CELF4: variants seen among roughly 807,000 people sequenced by gnomAD.
The protein encoded by CELF4 is CUG-BP- and ETR-3-like factor 4.
In CELF4, 18 loss-of-function variants were observed where a neutral mutation model predicts 59.9. The observed-to-expected ratio is 0.30, with a 90% CI of 0.21 to 0.45. CELF4 has a LOEUF of 0.45. Ranked by LOEUF, CELF4 falls within the 20% of genes least tolerant of loss-of-function variation. CELF4 has a pLI of 1.00. For missense variants in CELF4, 456 were observed against 689.0 expected (o/e 0.66, Z 3.79); for synonymous variants, 261 against 267.1 (o/e 0.98, Z 0.22).
intron 3 of CELF4, among the ~76,000 whole-genome samples, chr18:37,307,049 G>A (rs77030496): frequency 3.9e-5 from 5 of 126,948 alleles, no homozygotes; most frequent in African/African-American, 1.4e-4. Context: ...GAAGGCTTGG[G>A]TGAGACAGAG....
At chr18:37,310,589 G>C (rs2096609358) in intron 3 of CELF4, among the ~76,000 whole-genome samples, 1 of 152,150 alleles carries the variant, frequency 6.6e-6, no homozygotes, top group South Asian at 2.1e-4. Context: ...TGAAGGCCAG[G>C]CAGGTGCTAC....
intron 1 of CELF4, among the ~76,000 whole-genome samples, chr18:37,489,089 C>T (rs1226444662): frequency 1.3e-5 from 2 of 152,232 alleles, no homozygotes; most frequent in Admixed American, 6.5e-5. Flanking sequence ...TCTCCCTCTG[C>T]ACCTCTGTGA....
intron 2 of CELF4, among the ~76,000 whole-genome samples, chr18:37,410,299 G>A (rs562022888): frequency 6.6e-6 from 1 of 152,228 alleles, no homozygotes; most frequent in Non-Finnish European, 1.5e-5. Flanking sequence ...AAAGGAGAGT[G>A]TGCCCTTTTG....
At chr18:37,479,230 C>A (rs752505480) in intron 2 of CELF4, among the ~76,000 whole-genome samples, 1 of 152,208 alleles carries the variant, frequency 6.6e-6, no homozygotes, top group Admixed American at 6.5e-5. Context: ...CTTCACAAGT[C>A]ATCCCTCTTG....
intron 2 of CELF4, among the ~76,000 whole-genome samples, chr18:37,466,901 G>T (rs1409233520): frequency 1.3e-5 from 2 of 152,168 alleles, no homozygotes; most frequent in South Asian, 2.1e-4. Context: ...GACATAGGAG[G>T]ATGCCAGGCA....
At chr18:37,269,156 C>A (rs1370882417) in intron 8 of CELF4, among the ~76,000 whole-genome samples, 2 of 152,052 alleles carry the variant, frequency 1.3e-5, no homozygotes, top group Non-Finnish European at 2.9e-5. Context: ...TCTTCCACCC[C>A]CAGCTTGCAC....
chr18:37,538,796 CCTCA>C (rs1238298277), intron 1 of CELF4, among the ~76,000 whole-genome samples: 1 of 152,146 alleles, frequency 6.6e-6, no homozygotes, highest in African/African-American at 2.4e-5. Context: ...GTTCTCTCTC[CCTCA>C]CTCAGCAGCA....
In CELF4 at chr18:37,285,745, C is replaced by G. The variant is rs530799565; in HGVS notation, c.449-10502G>C. Among the ~76,000 whole-genome samples the G allele has an allele frequency of 1.1e-4, 16 of 152,304 alleles. No individual in the cohort carries two copies. In the South Asian group the frequency reaches 3.3e-3, roughly 32 times the overall value. The stretch of plus-strand genomic sequence containing the variant: ...TTGAGTCAGGCCTTTCTGCAGGAGC[C>G]TGGGACACCACAGTGGCTCTATGTA... On this transcript the variant is annotated intron_variant, in intron 3 of 12. Transcript: ENST00000420428.
intron 2 of CELF4, among the ~76,000 whole-genome samples, chr18:37,473,125 T>A (rs2099838670): frequency 6.6e-6 from 1 of 152,194 alleles, no homozygotes; most frequent in South Asian, 2.1e-4. Flanking sequence ...CAGCCCGTGC[T>A]ATCCCTGGTC....
At chr18:37,314,653 A>G (rs967738943) in intron 3 of CELF4, among the ~76,000 whole-genome samples, 13 of 151,972 alleles carry the variant, frequency 8.6e-5, no homozygotes, top group African/African-American at 3.1e-4. Flanking sequence ...TACTGCCACC[A>G]CCCTGCCAGG....
chr18:37,360,646 C>G (rs549268721), intron 2 of CELF4, among the ~76,000 whole-genome samples: 2 of 152,222 alleles, frequency 1.3e-5, no homozygotes, highest in Admixed American at 6.5e-5. Flanking sequence ...CAGGCAGTCT[C>G]GTTGCAGGGC....
chr18:37,427,848 C>T (rs2099623630), intron 2 of CELF4, among the ~76,000 whole-genome samples: 1 of 152,212 alleles, frequency 6.6e-6, no homozygotes, highest in Non-Finnish European at 1.5e-5. Flanking sequence ...AGGGGATGGC[C>T]TGGCACTGAA....
chr18:37,266,509 C>G, intron 9 of CELF4, 24 bp downstream of exon 9: 1 of 1,577,174 alleles, frequency 6.3e-7, no homozygotes, highest in Non-Finnish European at 8.6e-7. Context: ...GGGGAAGGAG[C>G]CGTGGGGACG....
intron 2 of CELF4, among the ~76,000 whole-genome samples, chr18:37,386,540 G>T (rs1030844193): frequency 3.3e-5 from 5 of 152,292 alleles, no homozygotes; most frequent in Admixed American, 6.5e-5. Flanking sequence ...CTAGATGATG[G>T]TGCCATTAAC....
intron 2 of CELF4, among the ~76,000 whole-genome samples, chr18:37,398,233 T>C (rs1019924385): frequency 2.6e-5 from 4 of 152,112 alleles, no homozygotes; most frequent in African/African-American, 9.7e-5. Context: ...ATTACTTCCT[T>C]CTCTAAAGTT....
chr18:37,398,132 C>T (rs2099268936), intron 2 of CELF4, among the ~76,000 whole-genome samples: 1 of 152,156 alleles, frequency 6.6e-6, no homozygotes, highest in South Asian at 2.1e-4. Context: ...AGCTGCCGGC[C>T]CTTGCTGTTG....
intron 1 of CELF4, among the ~76,000 whole-genome samples, chr18:37,506,693 C>T (rs2099938416): frequency 6.6e-6 from 1 of 152,238 alleles, no homozygotes; most frequent in South Asian, 2.1e-4. Context: ...TGCCATTCAA[C>T]TCTCCAGCCC....
intron 3 of CELF4, among the ~76,000 whole-genome samples, chr18:37,309,770 A>C (rs767505541): frequency 2.0e-5 from 3 of 151,310 alleles, no homozygotes; most frequent in Non-Finnish European, 4.4e-5. Context: ...CTATTCCAGA[A>C]AGTGGACCCT....
intron 9 of CELF4, among the ~76,000 whole-genome samples, chr18:37,265,130 A>T (rs1215514892): frequency 2.0e-5 from 3 of 150,998 alleles, no homozygotes; most frequent in Non-Finnish European, 4.4e-5. Flanking sequence ...TGTACATTAC[A>T]TGCATACATG....
Sources: gnomAD v4.1 joint callset for allele counts (sites outside exome capture counted in the v4.1 genomes callset) on GRCh38, gnomAD v4.1.1 for gene constraint, MANE v1.5 for transcripts, NCBI Gene and HGNC (gene_info 2026-07-23, HGNC 2026-07-21) for gene names.